Variants in PPP3CB observed in about 807,000 individuals in gnomAD.
PPP3CB encodes serine/threonine-protein phosphatase 2B catalytic subunit beta isoform.
A neutral mutation model predicts 66.4 loss-of-function variants in PPP3CB; 8 were observed. The observed-to-expected ratio is 0.12, with a 90% confidence interval of 0.07 to 0.22. The LOEUF (loss-of-function observed/expected upper bound fraction) is 0.22, where lower values mean the gene tolerates loss of function less well. Among genes scored for constraint, PPP3CB ranks in the 10% least tolerant of loss-of-function variants. The pLI is 1.00. For synonymous variants in PPP3CB, 208 were observed against 221.2 expected (o/e 0.94, Z 0.53); for missense variants, 319 against 642.5 (o/e 0.50, Z 5.44).
intron 1 of PPP3CB, among the ~76,000 whole-genome samples, chr10:73,484,204 C>G (rs2056932227): frequency 6.6e-6 from 1 of 152,038 alleles, no homozygotes; most frequent in Non-Finnish European, 1.5e-5. Flanking sequence ...TAAAGCATTT[C>G]CATATAGTTT....
intron 4 of PPP3CB, among the ~76,000 whole-genome samples, chr10:73,474,163 C>T (rs1021222291): frequency 1.4e-4 from 22 of 152,094 alleles, no homozygotes; most frequent in Non-Finnish European, 8.8e-5. Flanking sequence ...CTGCCTCAGC[C>T]TCCTGAGTAC....
At position 73,446,418 on chromosome 10, in the gene PPP3CB, C is replaced by A. The variant is rs1035930580; in HGVS notation, c.1268+74G>T. On this transcript the variant is annotated intron_variant, in intron 11 of 13. Transcript: ENST00000360663. ...CCCGGCCCCATTTTGCTTTTAGATG[C>A]GGGACAATGCTTGTAACAAGGTACA... 2.7e-6 allele frequency: 4 copies of A among 1,455,054 alleles called. No homozygotes were observed. The Admixed American group carries it at 6.8e-5, about 25-fold the overall frequency. The allele number at this position is 1,455,054 out of a possible 1,614,324, so 90.1% of individuals were successfully genotyped here.
At chr10:73,446,595 G>C in intron 10 of PPP3CB, 22 bp from the exon 11 acceptor site, 1 of 1,602,612 alleles carries the variant, frequency 6.2e-7, no homozygotes. Context: ...GGAATAAATA[G>C]AGAGAAAGGC....
chr10:73,479,474 T>C lies in PPP3CB; in HGVS notation c.129A>G (p.Val43=). 3 of 1,614,062 alleles carry C rather than the reference T, an allele frequency of 1.9e-6. No homozygotes were observed. The highest frequency in any genetic ancestry group is 1.1e-5 in the South Asian group (1 of 91,076). ...CCCTGGGTATCCCATCCAAATCAAATACTTCTTCAGATGTCAAGCGATGTG... is the reference window on the plus strand; with the variant it reads ...CCCTGGGTATCCCATCCAAATCAAACACTTCTTCAGATGTCAAGCGATGTG... ...PPTHRLTSEE[V]FDLDGIPRVD... is the part of the protein sequence containing the mutation. Residue 43 remains valine, a synonymous_variant, in exon 2 of 14, where the codon GTA becomes GTG. Coordinates refer to ENST00000360663, the MANE Select transcript of PPP3CB (RefSeq NM_021132.4).
chr10:73,461,891 A>G (rs1314838837), intron 9 of PPP3CB, among the ~76,000 whole-genome samples: 2 of 152,184 alleles, frequency 1.3e-5, no homozygotes, highest in African/African-American at 4.8e-5. Flanking sequence ...TGGATTTCTC[A>G]TGAATAGTTT....
chr10:73,471,989 C>T (rs1347474476), intron 4 of PPP3CB, among the ~76,000 whole-genome samples: 1 of 152,166 alleles, frequency 6.6e-6, no homozygotes, highest in Non-Finnish European at 1.5e-5. Context: ...GAGAATAAAT[C>T]TTACTGCACA....
At chr10:73,493,292 T>A (rs1285977260) in intron 1 of PPP3CB, among the ~76,000 whole-genome samples, 7 of 144,066 alleles carry the variant, frequency 4.9e-5, no homozygotes, top group African/African-American at 2.0e-4. Flanking sequence ...AAAAAAAAAA[T>A]TCCAGGGAGA....
chr10:73,470,799 TA>T lies in PPP3CB; in HGVS notation c.888-19del, dbSNP rs2056690247. 7 of 1,589,170 alleles carry T rather than the reference TA, an allele frequency of 4.4e-6. No homozygotes were observed. In the Admixed American group the frequency reaches 5.1e-5, roughly 12 times the overall value. ...TTCTATAGCTGCAAAACAAATAGCT[TA>T]ATATGCATCGTAAAGCATCAATCAT... On this transcript the variant is annotated intron_variant, in intron 7 of 13. Transcript: ENST00000360663.
At chr10:73,445,555 C>G (rs1164015343) in intron 11 of PPP3CB, among the ~76,000 whole-genome samples, 1 of 150,964 alleles carries the variant, frequency 6.6e-6, no homozygotes, top group Non-Finnish European at 1.5e-5. Context: ...AGGTGATCCT[C>G]CCATCTCAGC....
At chr10:73,493,421 GTTAAAC>G (rs2057111240) in intron 1 of PPP3CB, among the ~76,000 whole-genome samples, 2 of 152,140 alleles carry the variant, frequency 1.3e-5, no homozygotes, top group Non-Finnish European at 2.9e-5. Flanking sequence ...ATTTTAACAA[GTTAAAC>G]TTAAGCTGAA....
At chr10:73,476,382 C>T (rs1453417512) in intron 3 of PPP3CB, among the ~76,000 whole-genome samples, 3 of 151,958 alleles carry the variant, frequency 2.0e-5, no homozygotes, top group Non-Finnish European at 4.4e-5. Context: ...TTCGGGAGGC[C>T]GAGGCAGGCA....
At chr10:73,455,849 C>T (rs1464215069) in intron 9 of PPP3CB, among the ~76,000 whole-genome samples, 1 of 152,170 alleles carries the variant, frequency 6.6e-6, no homozygotes, top group South Asian at 2.1e-4. Context: ...GGATTACAGG[C>T]GTGAGCCACC....
In PPP3CB at chr10:73,437,160, G is replaced by A. The variant is rs775596679; in HGVS notation, c.*1082C>T. Reference sequence around the variant, plus strand: ...GACTTTTATGCTTCCACTAACATCTGAATGATTGAACAGAACCATTGCTTC... The same window carrying A: ...GACTTTTATGCTTCCACTAACATCTAAATGATTGAACAGAACCATTGCTTC... On this transcript the variant is annotated 3_prime_UTR_variant, in exon 14 of 14. Coordinates refer to ENST00000360663, the MANE Select transcript of PPP3CB (RefSeq NM_021132.4). The A allele has an allele frequency of 4.4e-4, 67 of 152,650 alleles. No homozygotes were observed. The highest frequency in any genetic ancestry group is 3.4e-4 in the Non-Finnish European group (23 of 68,052). The allele number at this position is 152,650 out of a possible 1,614,324, so 9.5% of individuals were successfully genotyped here. A position where few individuals can be genotyped will look rare whatever the true frequency, so the allele number is the denominator to read the frequency against.
intron 1 of PPP3CB, among the ~76,000 whole-genome samples, chr10:73,485,950 G>GTGTGTGTATA (rs58404946): frequency 8.0e-6 from 1 of 124,638 alleles, no homozygotes; most frequent in Admixed American, 8.6e-5. Context: ...GTGTGTGTGT[G>GTGTGTGTATA]TATTTTTTTT....
chr10:73,488,502 T>C (rs564367735), intron 1 of PPP3CB, among the ~76,000 whole-genome samples: 1 of 144,856 alleles, frequency 6.9e-6, no homozygotes, highest in Non-Finnish European at 1.5e-5. Context: ...GCTATGATCA[T>C]GGCGCTGCAC....
intron 9 of PPP3CB, among the ~76,000 whole-genome samples, chr10:73,463,470 T>C (rs925129700): frequency 6.6e-6 from 1 of 152,220 alleles, no homozygotes; most frequent in African/African-American, 2.4e-5. Flanking sequence ...CTGTCCTTCA[T>C]AGATCCTACT....
intron 12 of PPP3CB, among the ~76,000 whole-genome samples, chr10:73,443,246 GAGAA>G (rs1310612957): frequency 2.2e-5 from 3 of 137,158 alleles, no homozygotes; most frequent in Non-Finnish European, 3.1e-5. Flanking sequence ...GAGAGAGAGA[GAGAA>G]AGAGAGAGAG....
intron 3 of PPP3CB, chr10:73,477,273 T>C: frequency 3.9e-6 from 2 of 513,272 alleles, no homozygotes; most frequent in Non-Finnish European, 7.7e-6. Flanking sequence ...CCCACAATTC[T>C]ACCTCTAGGA....
intron 1 of PPP3CB, among the ~76,000 whole-genome samples, chr10:73,493,014 G>T (rs1003914471): frequency 1.3e-5 from 2 of 152,056 alleles, no homozygotes; most frequent in Non-Finnish European, 2.9e-5. Flanking sequence ...GGTGGCTCAC[G>T]CCTGTAATCC....
Sources: allele counts gnomAD v4.1 joint callset (sites outside exome capture counted in the v4.1 genomes callset), GRCh38; gene constraint gnomAD v4.1.1; transcripts MANE v1.5; gene names NCBI Gene and HGNC (gene_info 2026-07-23, HGNC 2026-07-21).